FAM186A: variants seen among roughly 807,000 people sequenced by gnomAD.
The protein encoded by FAM186A is family with sequence similarity 186 member A.
A neutral mutation model predicts 216.8 loss-of-function variants in FAM186A; 163 were observed. The observed-to-expected ratio is 0.75, with a 90% confidence interval of 0.66 to 0.86. The LOEUF is 0.86. Among genes scored for constraint, FAM186A ranks in the 40% least tolerant of loss-of-function variants. FAM186A has a pLI of 0.00. For missense variants in FAM186A, 2,184 were observed against 2,746.2 expected, an observed-to-expected ratio of 0.80 and a Z score of 4.58; for synonymous variants, 805 against 1,025.3, an observed-to-expected ratio of 0.79 and a Z score of 4.10.
chr12:50,340,881 C>T (rs1261997106), intron 4 of FAM186A, among the ~76,000 whole-genome samples: 1 of 150,930 alleles, frequency 6.6e-6, no homozygotes, highest in Non-Finnish European at 1.5e-5. Context: ...ACTGCAACTT[C>T]TGCCTCCCGA....
chr12:50,343,687 C>A (rs1465346070), intron 4 of FAM186A, among the ~76,000 whole-genome samples: 1 of 151,902 alleles, frequency 6.6e-6, no homozygotes, highest in Non-Finnish European at 1.5e-5. Flanking sequence ...GGTGCAATCT[C>A]GGCTCACTGC....
Position 50,351,766 on chromosome 12 carries a change from A to G in FAM186A, c.5066T>C (p.Val1689Ala), listed in dbSNP as rs191643310. ...ATGGGCTTTATCTAAGGTGAGAGGA[A>G]CCCCTAACTTCAATAACTGTTCTTG... Reference protein sequence around the residue: ...QAQEQLLKLGVPLTLDKAHTL... With the variant: ...QAQEQLLKLGAPLTLDKAHTL... The change falls in exon 4 of 8, where the codon GTT (valine) becomes GCT (alanine). Residue 1689 changes from valine to alanine, a missense_variant. This residue lies in a region of FAM186A where 721 missense variants were observed against 816.4 expected (regional missense o/e 0.88). Transcript: ENST00000327337. The G allele has an allele frequency of 4.1e-5, 64 of 1,550,972 alleles. No homozygotes were observed. Among genetic ancestry groups the G allele is most frequent in the Middle Eastern group, 3.3e-4 (2 of 5,984 alleles).
chr12:50,349,169 C>T (rs986967361), intron 4 of FAM186A, among the ~76,000 whole-genome samples: 3 of 151,666 alleles, frequency 2.0e-5, no homozygotes, highest in East Asian at 3.9e-4. Flanking sequence ...TCCCTACTTT[C>T]CCCCCACCCC....
chr12:50,392,796 A>G (rs1321815075), intron 1 of FAM186A, among the ~76,000 whole-genome samples: 4 of 116,104 alleles, frequency 3.4e-5, no homozygotes, highest in Non-Finnish European at 7.0e-5. Flanking sequence ...TATTTTTAGT[A>G]GAGACGGGGT....
chr12:50,340,442 T>C (rs967801355), intron 4 of FAM186A, among the ~76,000 whole-genome samples: 4 of 151,972 alleles, frequency 2.6e-5, no homozygotes, highest in Admixed American at 6.6e-5. Context: ...GAGCTCAGTG[T>C]CTCACACCTG....
intron 3 of FAM186A, among the ~76,000 whole-genome samples, chr12:50,357,712 G>A (rs1379389567): frequency 6.6e-6 from 1 of 152,132 alleles, no homozygotes; most frequent in African/African-American, 2.4e-5. Flanking sequence ...AACAAACAGG[G>A]AAAGTTTGCA....
At chr12:50,329,434 A>G (rs1320630153) in intron 7 of FAM186A, among the ~76,000 whole-genome samples, 4 of 152,150 alleles carry the variant, frequency 2.6e-5, no homozygotes, top group African/African-American at 7.2e-5. Context: ...TAATGGTTAC[A>G]TTTGGTTTAA....
At chr12:50,346,371 ACAGG>A (rs1942817808) in intron 4 of FAM186A, among the ~76,000 whole-genome samples, 2 of 151,994 alleles carry the variant, frequency 1.3e-5, no homozygotes, top group Non-Finnish European at 2.9e-5. Context: ...ATCTGGGATT[ACAGG>A]CACACACCAC....
chr12:50,354,725 A>G lies in FAM186A; in HGVS notation c.2107T>C (p.Leu703=). Residue 703 remains leucine (L), a synonymous_variant, in exon 4 of 8, where the codon TTA becomes CTA. Transcript: ENST00000327337. ...AATTTTTCAGCTTCTGCTCTTTTTAATAACTCCTCTTCCTTCGGAACAGTC... is the reference window on the plus strand; with the variant it reads ...AATTTTTCAGCTTCTGCTCTTTTTAGTAACTCCTCTTCCTTCGGAACAGTC... ...KKTVPKEEEL[L]KRAEAEKLGI... is the part of the protein sequence containing the mutation. The G allele has an allele frequency of 6.5e-7, 1 of 1,547,888 alleles. No individual in the cohort carries two copies.
chr12:50,386,477 T>C (rs1283561219), intron 1 of FAM186A, among the ~76,000 whole-genome samples: 1 of 152,058 alleles, frequency 6.6e-6, no homozygotes, highest in Non-Finnish European at 1.5e-5. Context: ...AATGCATGCA[T>C]TAAGTAGTTG....
At chr12:50,348,033 T>G (rs1330090227) in intron 4 of FAM186A, among the ~76,000 whole-genome samples, 3 of 139,610 alleles carry the variant, frequency 2.1e-5, no homozygotes, top group Non-Finnish European at 4.6e-5. Context: ...CCACAATGCC[T>G]GGTAATTTTT....
chr12:50,338,696 A>G (rs893749945), intron 4 of FAM186A, among the ~76,000 whole-genome samples: 1 of 152,210 alleles, frequency 6.6e-6, no homozygotes, highest in Non-Finnish European at 1.5e-5. Context: ...TAGGTAGTAT[A>G]GTATACTATA....
chr12:50,344,939 G>A (rs1055064418), intron 4 of FAM186A, among the ~76,000 whole-genome samples: 23 of 152,236 alleles, frequency 1.5e-4, no homozygotes, highest in African/African-American at 5.1e-4. Flanking sequence ...CCCTGGACAA[G>A]AGAGTGAGAC....
At chr12:50,346,263 A>AAGAAAGAAAGAAAGAAAGAAAGTC (rs1565881718) in intron 4 of FAM186A, among the ~76,000 whole-genome samples, 2 of 150,264 alleles carry the variant, frequency 1.3e-5, no homozygotes, top group Non-Finnish European at 3.0e-5. Flanking sequence ...GAAAGAAAGA[A>AAGAAAGAAAGAAAGAAAGAAAGTC]AGTCATACAG....
chr12:50,369,446 G>A (rs1000472315), intron 1 of FAM186A, among the ~76,000 whole-genome samples: 9 of 141,672 alleles, frequency 6.4e-5, no homozygotes, highest in South Asian at 4.4e-4. Flanking sequence ...AGCTGAGATC[G>A]AGCCACTGCA....
chr12:50,334,483 A>G (rs1338853928), intron 4 of FAM186A, among the ~76,000 whole-genome samples: 1 of 145,560 alleles, frequency 6.9e-6, no homozygotes, highest in Non-Finnish European at 1.5e-5. Flanking sequence ...TTTTAATTTA[A>G]TTTTATTTTT....
At chr12:50,345,989 C>G (rs1356726278) in intron 4 of FAM186A, among the ~76,000 whole-genome samples, 1 of 81,114 alleles carries the variant, frequency 1.2e-5, no homozygotes, top group Non-Finnish European at 2.3e-5. Flanking sequence ...AAGAGCGAGA[C>G]TTTGCCTCAA....
intron 1 of FAM186A, among the ~76,000 whole-genome samples, chr12:50,382,583 C>T (rs968498362): frequency 2.0e-5 from 3 of 151,818 alleles, no homozygotes; most frequent in African/African-American, 7.3e-5. Flanking sequence ...ACCTGTAATC[C>T]CAGCTACGCA....
intron 1 of FAM186A, among the ~76,000 whole-genome samples, 169 bp downstream of exon 1, chr12:50,396,124 C>T (rs1243005231): frequency 6.6e-6 from 1 of 152,176 alleles, no homozygotes; most frequent in African/African-American, 2.4e-5. Context: ...CAAATTGGAG[C>T]TTGTTATATC....
Sources: gnomAD v4.1 joint callset for allele counts (sites outside exome capture counted in the v4.1 genomes callset) on GRCh38, gnomAD v4.1.1 for gene constraint, gnomAD v4.1.1 regional missense constraint, MANE v1.5 for transcripts, NCBI Gene and HGNC (gene_info 2026-07-23, HGNC 2026-07-21) for gene names.